Variants in DTHD1 observed in about 807,000 individuals in gnomAD.
The protein encoded by DTHD1 is death domain-containing protein 1.
In DTHD1, 59 loss-of-function variants were observed where a neutral mutation model predicts 74.8. That is an observed-to-expected ratio of 0.79 (90% CI 0.64 to 0.98). The LOEUF is 0.98. Among genes scored for constraint, DTHD1 ranks in the 50% least tolerant of loss-of-function variants. The probability of loss-of-function intolerance (pLI) is 0.00; values close to 1 mark genes in which losing one functional copy is unlikely to be tolerated. For synonymous variants in DTHD1, 365 were observed against 371.1 expected (o/e 0.98, Z 0.19); for missense variants, 1,051 against 1,065.4 (o/e 0.99, Z 0.19).
At position 36,290,524 on chromosome 4, in the gene DTHD1, A is replaced by C; in HGVS notation, c.1039A>C (p.Ile347Leu). The change falls in exon 3 of 10, where the codon ATA becomes CTA. Residue 347 changes from isoleucine (I) to leucine (L), a missense_variant. Physicochemically the swap from Ile to Leu is conservative, Grantham distance 5. Transcript: ENST00000639862. ...GDNEELVSNV[I>L]TIECSDKEKR... ...TAATGAAGAGTTAGTTAGCAACGTC[A>C]TAACTATTGAATGCTCAGATAAGGA... 1 of 1,551,712 alleles carries C rather than the reference A, an allele frequency of 6.4e-7. No individual in the cohort carries two copies. The highest frequency in any genetic ancestry group is 1.4e-5 in the African/African-American group (1 of 73,180).
At position 36,344,171 on chromosome 4, in the gene DTHD1, C is replaced by T. The variant is rs1208542970; in HGVS notation, c.*347C>T. 5.3e-6 allele frequency: 1 copy of T among 189,860 alleles called. No individual in the cohort carries two copies. Among genetic ancestry groups the T allele is most frequent in the African/African-American group, 2.3e-5 (1 of 42,556 alleles). The allele number at this position is 189,860 out of a possible 1,614,324, so 11.8% of individuals were successfully genotyped here. A position where few individuals can be genotyped will look rare whatever the true frequency, so the allele number is the denominator to read the frequency against. On this transcript the variant is annotated 3_prime_UTR_variant, in exon 10 of 10. Transcript: ENST00000639862. Reference sequence around the variant, plus strand: ...GTAATTACTTATTAATTGGTATCTACATAAAATTAAACTAGTTTTCTGTGA... The same window carrying T: ...GTAATTACTTATTAATTGGTATCTATATAAAATTAAACTAGTTTTCTGTGA...
chr4:36,338,786 C>T (rs1445637445), intron 8 of DTHD1, among the ~76,000 whole-genome samples: 1 of 152,088 alleles, frequency 6.6e-6, no homozygotes, highest in African/African-American at 2.4e-5. Context: ...TTACAGCATG[C>T]TGGTAGCTTG....
At chr4:36,282,095 G>T (rs1755435068) in intron 1 of DTHD1, 66 bp downstream of exon 1, 7 of 1,353,700 alleles carry the variant, frequency 5.2e-6, no homozygotes, top group Non-Finnish European at 5.9e-6. Flanking sequence ...GATCTGAGAG[G>T]GGCTATGAGT....
chr4:36,319,877 C>A (rs967183405), intron 8 of DTHD1, among the ~76,000 whole-genome samples: 30 of 152,202 alleles, frequency 2.0e-4, no homozygotes, highest in African/African-American at 7.0e-4. Flanking sequence ...ACACACCATT[C>A]CTTACCTATG....
At chr4:36,337,003 C>CT (rs1218198386) in intron 8 of DTHD1, among the ~76,000 whole-genome samples, 1 of 152,074 alleles carries the variant, frequency 6.6e-6, no homozygotes, top group Non-Finnish European at 1.5e-5. Flanking sequence ...CTAAGGAAGG[C>CT]ATCCAGTGAG....
intron 7 of DTHD1, among the ~76,000 whole-genome samples, chr4:36,314,739 C>T (rs1022046059): frequency 7.9e-6 from 1 of 126,734 alleles, no homozygotes; most frequent in Non-Finnish European, 1.6e-5. Flanking sequence ...TTTCTTTAAA[C>T]AATCTGAGTT....
chr4:36,281,850 G>T lies in DTHD1; in HGVS notation c.92G>T (p.Gly31Val). 1 of 1,263,740 alleles carries T rather than the reference G, an allele frequency of 7.9e-7. No individual in the cohort carries two copies. Among genetic ancestry groups the T allele is most frequent in the East Asian group, 3.0e-5 (1 of 33,100 alleles). The allele number at this position is 1,263,740 out of a possible 1,614,324, so 78.3% of individuals were successfully genotyped here. The change falls in exon 1 of 10, where the codon GGT becomes GTT. Residue 31 changes from glycine to valine, a missense_variant. Gly to Val is a moderately radical substitution (Grantham distance 109). Transcript: ENST00000639862. The stretch of plus-strand genomic sequence containing the variant: ...CAGATGCTAAAGCAGGCACTCTTGG[G>T]TGATGACCTTTGTGAGGGGGCTGGT... ...QNQMLKQALL[G>V]DDLCEGAGGA...
chr4:36,329,647 T>C (rs571689273), intron 8 of DTHD1, among the ~76,000 whole-genome samples: 1 of 152,348 alleles, frequency 6.6e-6, no homozygotes, highest in East Asian at 1.9e-4. Flanking sequence ...TACTGCTGTT[T>C]CCCAAATTTT....
chr4:36,293,377 C>T, intron 3 of DTHD1, 149 bp from the exon 4 acceptor site: 1 of 514,058 alleles, frequency 1.9e-6, no homozygotes, highest in Non-Finnish European at 3.0e-6. Context: ...CATATAATGA[C>T]CATCCATTTT....
At chr4:36,342,217 G>T (rs1043959803) in intron 9 of DTHD1, among the ~76,000 whole-genome samples, 1 of 152,220 alleles carries the variant, frequency 6.6e-6, no homozygotes, top group African/African-American at 2.4e-5. Flanking sequence ...ACTGCATGGA[G>T]GTAGCAGAAC....
chr4:36,290,699 A>G lies in DTHD1; in HGVS notation c.1214A>G (p.Tyr405Cys). ...PNSLEGMKGG[Y>C]KGTCASVKVY... ...TCACTAGAAGGAATGAAGGGAGGTT[A>G]TAAGGTTAGTAAATTCTTGGCTATA... is the stretch of plus-strand genomic sequence containing the variant. The change falls in exon 3 of 10, where the codon TAT becomes TGT. Residue 405 changes from tyrosine to cysteine, a missense_variant. By Grantham distance (194) the Tyr-to-Cys change is radical (BLOSUM62 -2). Coordinates refer to ENST00000639862, the MANE Select transcript of DTHD1 (RefSeq NM_001170700.3). 6.5e-7 allele frequency: 1 copy of G among 1,535,050 alleles called. No homozygotes were observed. Among genetic ancestry groups the G allele is most frequent in the African/African-American group, 1.4e-5 (1 of 72,924 alleles).
intron 8 of DTHD1, chr4:36,333,647 C>A (rs1758829755): frequency 6.6e-6 from 1 of 152,342 alleles, no homozygotes; most frequent in Admixed American, 6.5e-5. Flanking sequence ...CTGTGCGAAC[C>A]TGTGGAAACC....
chr4:36,309,389 T>G (rs1578461038), intron 7 of DTHD1, among the ~76,000 whole-genome samples: 1 of 152,142 alleles, frequency 6.6e-6, no homozygotes, highest in Non-Finnish European at 1.5e-5. Flanking sequence ...GAGGCGGAGG[T>G]TGCAGGTTGC....
intron 8 of DTHD1, among the ~76,000 whole-genome samples, chr4:36,320,974 A>T (rs1261826784): frequency 1.3e-5 from 2 of 152,226 alleles, no homozygotes; most frequent in African/African-American, 4.8e-5. Context: ...ACACATAATT[A>T]TAATGTGTGA....
chr4:36,338,724 C>T lies in DTHD1; in HGVS notation c.2341-388C>T, dbSNP rs778008376. On this transcript the variant is annotated intron_variant, in intron 8 of 9. Transcript: ENST00000639862. ...AACCTGTTAGGTGCCAGGTTCTGTG[C>T]TGTGTTGAGGCAAAGTGCCTGCCCC... Among the ~76,000 whole-genome samples the T allele has an allele frequency of 4.1e-4, 62 of 152,198 alleles. No homozygotes were observed. The Middle Eastern group carries it at 0.024, about 58-fold the overall frequency.
At chr4:36,293,861 T>C (rs891131946) in intron 4 of DTHD1, among the ~76,000 whole-genome samples, 156 bp downstream of exon 4, 1 of 152,170 alleles carries the variant, frequency 6.6e-6, no homozygotes, top group African/African-American at 2.4e-5. Flanking sequence ...ATATCAGCAA[T>C]AATGTAATGA....
At chr4:36,324,718 T>A (rs1186627889) in intron 8 of DTHD1, among the ~76,000 whole-genome samples, 1 of 152,274 alleles carries the variant, frequency 6.6e-6, no homozygotes, top group South Asian at 2.1e-4. Context: ...CAGTCCAGTT[T>A]AGGAAATAAA....
chr4:36,317,702 A>G lies in DTHD1; in HGVS notation c.2340+1216A>G, dbSNP rs535800881. ...ATCCAGTGAATAAGTACACAAAACA[A>G]TACACAAAATTACGTTGTAAAATAG... On this transcript the variant is annotated intron_variant, in intron 8 of 9. Coordinates refer to ENST00000639862, the MANE Select transcript of DTHD1 (RefSeq NM_001170700.3). 8.9e-4 allele frequency among the ~76,000 whole-genome samples: 136 copies of G among 152,354 alleles called. 3 individuals are homozygous for G. In the South Asian group the frequency reaches 0.027, roughly 31 times the overall value.
chr4:36,343,445 C>A, intron 9 of DTHD1, 57 bp from the exon 10 acceptor site: 1 of 1,474,222 alleles, frequency 6.8e-7, no homozygotes, highest in Non-Finnish European at 9.1e-7. Flanking sequence ...GAGGGTTAGA[C>A]CCATGCATCC....
Sources: gnomAD v4.1 joint callset for allele counts (sites outside exome capture counted in the v4.1 genomes callset) on GRCh38, gnomAD v4.1.1 for gene constraint, MANE v1.5 for transcripts, NCBI Gene and HGNC (gene_info 2026-07-23, HGNC 2026-07-21) for gene names.